Variants in SLC24A4 observed in about 807,000 individuals in gnomAD.
SLC24A4 encodes the protein solute carrier family 24 member 4, also known as sodium/potassium/calcium exchanger 4.
SLC24A4 carries 53 observed loss-of-function variants against 79.0 expected under a neutral mutation model. The observed-to-expected ratio is 0.67, with a 90% CI of 0.54 to 0.84. SLC24A4 has a LOEUF of 0.84. SLC24A4 is among the 40% of genes least tolerant of loss of function. The pLI is 0.00. For missense variants in SLC24A4, 731 were observed against 822.0 expected, an observed-to-expected ratio of 0.89 and a Z score of 1.35; for synonymous variants, 323 against 323.8, an observed-to-expected ratio of 1.00 and a Z score of 0.03.
intron 12 of SLC24A4, among the ~76,000 whole-genome samples, chr14:92,469,375 G>C (rs1000005176): frequency 1.3e-4 from 20 of 152,062 alleles, no homozygotes; most frequent in Non-Finnish European, 1.5e-4. Flanking sequence ...CAGGTGTGGT[G>C]GTGGGCACCT....
intron 1 of SLC24A4, 82 bp from the exon 2 acceptor site, chr14:92,325,786 T>C: frequency 2.5e-6 from 2 of 789,816 alleles, no homozygotes; most frequent in Non-Finnish European, 4.2e-6. Flanking sequence ...GTTGCTGACA[T>C]AGACACACAA....
intron 16 of SLC24A4, chr14:92,493,005 CACACACACACACAG>C (rs879105534): frequency 0.022 from 6,622 of 306,584 alleles, 183 homozygotes; most frequent in East Asian, 0.085. Flanking sequence ...CACACACACA[CACACACACACACAG>C]AGAAAGATTT....
intron 2 of SLC24A4, among the ~76,000 whole-genome samples, chr14:92,340,459 A>G (rs1053527002): frequency 1.3e-5 from 2 of 152,206 alleles, no homozygotes; most frequent in Non-Finnish European, 2.9e-5. Context: ...GGACTTGGTG[A>G]TTGCAGTAAT....
chr14:92,488,617 C>A (rs1422776957), intron 14 of SLC24A4, among the ~76,000 whole-genome samples: 1 of 103,594 alleles, frequency 9.7e-6, no homozygotes, highest in African/African-American at 3.9e-5. Context: ...TCCTCAGAGA[C>A]CCTATTTCCA....
intron 13 of SLC24A4, chr14:92,484,022 C>T: frequency 1.0e-6 from 1 of 985,390 alleles, no homozygotes; most frequent in South Asian, 4.7e-5. Context: ...AGTCCTACCT[C>T]TTGCAAACCA....
At chr14:92,346,411 C>G (rs192019136) in intron 2 of SLC24A4, among the ~76,000 whole-genome samples, 1 of 152,118 alleles carries the variant, frequency 6.6e-6, no homozygotes, top group African/African-American at 2.4e-5. Context: ...CAGTCTCTTA[C>G]GCAGGAGGCA....
chr14:92,491,901 C>T (rs1895692053), intron 15 of SLC24A4, 124 bp downstream of exon 15: 1 of 776,646 alleles, frequency 1.3e-6, no homozygotes, highest in Non-Finnish European at 2.2e-6. Context: ...ACCCATTTTC[C>T]ATGGCGGCTT....
chr14:92,441,619 G>C lies in SLC24A4; in HGVS notation c.394-470G>C, dbSNP rs1408218497. ...GTGTGTGCCTGTGGAGCACCACTCTGTGCCAGACCCTGTTCTAGGCACCAG... is the reference window on the plus strand; with the variant it reads ...GTGTGTGCCTGTGGAGCACCACTCTCTGCCAGACCCTGTTCTAGGCACCAG... On this transcript the variant is annotated intron_variant, in intron 4 of 16. Transcript: ENST00000532405. The surrounding 1 kb of genome is among the most constrained non-coding windows in gnomAD (Gnocchi z 4.6). Among the ~76,000 whole-genome samples the C allele has an allele frequency of 6.6e-6, 1 of 152,220 alleles. No homozygotes were observed. The highest frequency in any genetic ancestry group is 1.5e-5 in the Non-Finnish European group (1 of 68,040).
chr14:92,352,510 C>T (rs34270042), intron 2 of SLC24A4, among the ~76,000 whole-genome samples: 18,515 of 152,100 alleles, frequency 0.12, 1,198 homozygotes, highest in Admixed American at 0.14. Flanking sequence ...ATATGAGCTT[C>T]GATAGTGAGC....
intron 10 of SLC24A4, chr14:92,451,128 A>G (rs1018758573): frequency 2.6e-5 from 4 of 152,280 alleles, no homozygotes; most frequent in Non-Finnish European, 5.9e-5. Context: ...TGCAGCTTTT[A>G]TCAGAGGGAA....
chr14:92,482,691 G>A lies in SLC24A4; in HGVS notation c.1267G>A (p.Asp423Asn), dbSNP rs747778495. 13 of 1,613,272 alleles carry A rather than the reference G, an allele frequency of 8.1e-6. No homozygotes were observed. Among genetic ancestry groups the A allele is most frequent in the Non-Finnish European group, 1.1e-5 (13 of 1,179,510 alleles). ...CCTTCACCCTGCAGAGGCCAGAGGG[G>A]ACAAGGTCAAGTGGGTGTTCACCTG... ...SPFSVPEARG[D>N]KVKWVFTWPL... Residue 423 changes from aspartate (D) to asparagine (N), a missense_variant, in exon 13 of 17, where the codon GAC becomes AAC. Coordinates refer to ENST00000532405, the MANE Select transcript of SLC24A4 (RefSeq NM_153646.4).
intron 2 of SLC24A4, among the ~76,000 whole-genome samples, chr14:92,431,989 C>T (rs907445711): frequency 1.3e-5 from 2 of 152,224 alleles, no homozygotes; most frequent in African/African-American, 4.8e-5. Flanking sequence ...GCTAACTTCC[C>T]TCTCGGAGCC....
In SLC24A4 at chr14:92,490,539, C is replaced by T. The variant is rs201278263; in HGVS notation, c.1538-1126C>T. The stretch of plus-strand genomic sequence containing the variant: ...ATATCCTGTGATTCCCAGGCAGGGT[C>T]GTGGGTGCTGTTGCCTGGGTCCCAA... On this transcript the variant is annotated intron_variant, in intron 14 of 16. Transcript: ENST00000532405. This position sits in a 1 kb window ranked among gnomAD's most constrained non-coding sequence, Gnocchi z 4.3. Among the ~76,000 whole-genome samples the T allele has an allele frequency of 2.0e-5, 3 of 152,188 alleles. No homozygotes were observed. The highest frequency in any genetic ancestry group is 2.9e-5 in the Non-Finnish European group (2 of 68,022).
intron 3 of SLC24A4, among the ~76,000 whole-genome samples, chr14:92,435,009 G>T (rs896869528): frequency 6.6e-6 from 1 of 152,078 alleles, no homozygotes; most frequent in Non-Finnish European, 1.5e-5. Flanking sequence ...CCTGACCTCA[G>T]GTGATCCACC....
intron 2 of SLC24A4, among the ~76,000 whole-genome samples, chr14:92,341,444 G>A (rs760089651): frequency 1.3e-5 from 2 of 152,220 alleles, no homozygotes; most frequent in Non-Finnish European, 2.9e-5. Context: ...AGACCTGCAG[G>A]AGTGTCGATA....
At chr14:92,416,179 G>A (rs74381990) in intron 2 of SLC24A4, among the ~76,000 whole-genome samples, 2,592 of 151,976 alleles carry the variant, frequency 0.017, 81 homozygotes, top group African/African-American at 0.057. Context: ...TGGTGTCAGC[G>A]TTTCTAGCCT....
rs1035844511 is a variant in SLC24A4, at chr14:92,490,210, G to A, written c.1538-1455G>A. Among the ~76,000 whole-genome samples the A allele has an allele frequency of 6.6e-6, 1 of 152,170 alleles. No homozygotes were observed. The highest frequency in any genetic ancestry group is 1.5e-5 in the Non-Finnish European group (1 of 68,034). ...CAATGTTGTGGTTCTAGGCATGTGC[G>A]TTTCAGGTTTGTTCATTCCAAAAAC... On this transcript the variant is annotated intron_variant, in intron 14 of 16. Transcript: ENST00000532405. The surrounding 1 kb of genome is among the most constrained non-coding windows in gnomAD (Gnocchi z 4.3).
intron 2 of SLC24A4, among the ~76,000 whole-genome samples, chr14:92,355,651 G>T (rs1887138737): frequency 6.6e-6 from 1 of 152,218 alleles, no homozygotes. Flanking sequence ...CAAAGCTTGG[G>T]TTTGCCGGGC....
chr14:92,427,211 G>T (rs1449091689), intron 2 of SLC24A4, among the ~76,000 whole-genome samples: 1 of 152,212 alleles, frequency 6.6e-6, no homozygotes, highest in Non-Finnish European at 1.5e-5. Context: ...CCAGGCAGAG[G>T]TCACACTGGG....
Sources: gnomAD v4.1 joint callset for allele counts (sites outside exome capture counted in the v4.1 genomes callset) on GRCh38, gnomAD v4.1.1 for gene constraint, Gnocchi (gnomAD v3.1) non-coding constraint, MANE v1.5 for transcripts, NCBI Gene and HGNC (gene_info 2026-07-23, HGNC 2026-07-21) for gene names.